FES: variants seen among roughly 807,000 people sequenced by gnomAD.
FES encodes tyrosine-protein kinase Fes/Fps.
A neutral mutation model predicts 109.6 loss-of-function variants in FES; 83 were observed. The ratio of observed to expected loss-of-function variants is 0.76; its 90% confidence interval spans 0.63 to 0.91. The LOEUF (loss-of-function observed/expected upper bound fraction) is 0.91. Among genes scored for constraint, FES ranks in the 40% least tolerant of loss-of-function variants. FES has a pLI of 0.00. For missense variants in FES, 943 were observed against 1,070.9 expected, an observed-to-expected ratio of 0.88 and a Z score of 1.67; for synonymous variants, 458 against 442.1, an observed-to-expected ratio of 1.04 and a Z score of -0.45.
Position 90,895,315 on chromosome 15 carries a change from T to C in FES, c.2327-101T>C, listed in dbSNP as rs760973850. The C allele has an allele frequency of 2.6e-5, 27 of 1,043,164 alleles. No homozygotes were observed. The Middle Eastern group carries it at 1.1e-3, about 42-fold the overall frequency. The allele number at this position is 1,043,164 out of a possible 1,614,324, so 64.6% of individuals were successfully genotyped here. ...GAGAACAGTGCATCCTTCAGAACAG[T>C]GCATCTTAAGCAGCTCCTATGGCTC... On this transcript the variant is annotated intron_variant, in intron 18 of 18. Coordinates refer to ENST00000328850, the MANE Select transcript of FES (RefSeq NM_002005.4).
intron 10 of FES, 44 bp from the exon 11 acceptor site, chr15:90,890,930 GCCTCTTCA>G (rs2033155058): frequency 1.3e-6 from 2 of 1,520,078 alleles, no homozygotes; most frequent in South Asian, 2.4e-5. Context: ...TGCCCCCACG[GCCTCTTCA>G]ACAAGGTGGT....
chr15:90,893,173 A>G lies in FES; in HGVS notation c.1900A>G (p.Ile634Val), dbSNP rs775363239. 5.6e-6 allele frequency: 9 copies of G among 1,613,862 alleles called. No individual in the cohort carries two copies. The highest frequency in any genetic ancestry group is 7.6e-6 in the Non-Finnish European group (9 of 1,179,970). Residue 634 changes from isoleucine to valine, a missense_variant, in exon 15 of 19, where the codon ATC becomes GTC. Coordinates refer to ENST00000328850, the MANE Select transcript of FES (RefSeq NM_002005.4). ...CTGCACCCAGAAGCAGCCCATCTAC[A>G]TCGTCATGGAGCTTGTGCAGGGTGA... ...GVCTQKQPIY[I>V]VMELVQGGDF...
chr15:90,892,400 A>T, intron 13 of FES: 1 of 584,012 alleles, frequency 1.7e-6, no homozygotes, highest in South Asian at 2.1e-5. Context: ...ACTGTAAGCC[A>T]TAAGATACCT....
chr15:90,890,398 C>A lies in FES; in HGVS notation c.1237-3C>A, dbSNP rs2033098435. 1 of 1,612,570 alleles carries A rather than the reference C, an allele frequency of 6.2e-7. No individual in the cohort carries two copies. The highest frequency in any genetic ancestry group is 8.5e-7 in the Non-Finnish European group (1 of 1,179,828). On this transcript the variant is annotated splice_polypyrimidine_tract_variant and splice_region_variant and intron_variant, in intron 9 of 18. Transcript: ENST00000328850. ...ACCCGCTGACGTCTGTCCCTGGCCTCAGGAGCAGGAGCGAGAGGGGGGAAG... is the reference window on the plus strand; with the variant it reads ...ACCCGCTGACGTCTGTCCCTGGCCTAAGGAGCAGGAGCGAGAGGGGGGAAG...
At position 90,885,006 on chromosome 15, in the gene FES, C is replaced by A. The variant is rs779287485; in HGVS notation, c.-9-31C>A. The A allele has an allele frequency of 5.2e-6, 8 of 1,546,678 alleles. No homozygotes were observed. The African/African-American group carries it at 9.5e-5, about 18-fold the overall frequency. On this transcript the variant is annotated intron_variant, in intron 1 of 18. Transcript: ENST00000328850. Reference sequence around the variant, plus strand: ...GCCTCCGTCTCCAGCTGCTGCCTTGCCTCCAGGGATGGCCCCTTTTCTGTC... The same window carrying A: ...GCCTCCGTCTCCAGCTGCTGCCTTGACTCCAGGGATGGCCCCTTTTCTGTC...
At chr15:90,885,664 C>A (rs759657982) in intron 3 of FES, 79 bp downstream of exon 3, 9 of 1,516,710 alleles carry the variant, frequency 5.9e-6, no homozygotes, top group Non-Finnish European at 7.9e-6. Context: ...ACAAGAGGCC[C>A]TGGATTCACT....
At chr15:90,888,470 G>A (rs969766719) in intron 5 of FES, among the ~76,000 whole-genome samples, 1 of 152,234 alleles carries the variant, frequency 6.6e-6, no homozygotes, top group Non-Finnish European at 1.5e-5. Flanking sequence ...AGGGAGCAAG[G>A]ACAGAAGCTG....
In FES at chr15:90,895,735, C is replaced by G; in HGVS notation, c.*177C>G. On this transcript the variant is annotated 3_prime_UTR_variant, in exon 19 of 19. Coordinates refer to ENST00000328850, the MANE Select transcript of FES (RefSeq NM_002005.4). Reference sequence around the variant, plus strand: ...GTGTCCCTGCTGCTGCCAGGGCTTCCTCTTCCGGGCAGAAACAATAAAACC... The same window carrying G: ...GTGTCCCTGCTGCTGCCAGGGCTTCGTCTTCCGGGCAGAAACAATAAAACC... The G allele has an allele frequency of 2.0e-6, 1 of 502,866 alleles. No homozygotes were observed. Among genetic ancestry groups the G allele is most frequent in the Non-Finnish European group, 3.4e-6 (1 of 296,116 alleles). 31.2% of individuals were successfully genotyped at this position (502,866 alleles called of 1,614,324 possible). A position where few individuals can be genotyped will look rare whatever the true frequency, so the allele number is the denominator to read the frequency against.
chr15:90,892,529 C>T, intron 13 of FES, 178 bp from the exon 14 acceptor site: 1 of 599,534 alleles, frequency 1.7e-6, no homozygotes, highest in East Asian at 2.8e-5. Flanking sequence ...GGCAACTTTC[C>T]CTGCCTGCCC....
At position 90,889,962 on chromosome 15, in the gene FES, G is replaced by C. The variant is rs772816067; in HGVS notation, c.1049G>C (p.Arg350Pro). ...GAGGAGAACACCCACCCCCGGGAGCGGTGAGTGGGCCCCTGCCTGCAGCAG... is the reference window on the plus strand; with the variant it reads ...GAGGAGAACACCCACCCCCGGGAGCCGTGAGTGGGCCCCTGCCTGCAGCAG... Reference protein sequence around the residue: ...NEEENTHPRERVQLLGKRQVL... With the variant: ...NEEENTHPREPVQLLGKRQVL... Residue 350 changes from arginine to proline, a missense_variant and splice_region_variant, in exon 8 of 19, where the codon CGG (arginine) becomes CCG (proline). Coordinates refer to ENST00000328850, the MANE Select transcript of FES (RefSeq NM_002005.4). The surrounding 1 kb of genome is among the most constrained non-coding windows in gnomAD (Gnocchi z 6.1). 6.2e-7 allele frequency: 1 copy of C among 1,612,860 alleles called. No homozygotes were observed. Among genetic ancestry groups the C allele is most frequent in the Non-Finnish European group, 8.5e-7 (1 of 1,179,870 alleles).
At chr15:90,894,793 G>A (rs568570660) in intron 18 of FES, among the ~76,000 whole-genome samples, 3 of 151,742 alleles carry the variant, frequency 2.0e-5, no homozygotes, top group Non-Finnish European at 2.9e-5. Flanking sequence ...AAACCTGGGC[G>A]CAGTGGCTCA....
chr15:90,891,315 TG>T (rs1393815863), intron 11 of FES, 124 bp downstream of exon 11: 2 of 1,260,126 alleles, frequency 1.6e-6, no homozygotes, highest in Non-Finnish European at 2.2e-6. Context: ...CTAGCAGGGC[TG>T]GCTGGAAGGG....
rs1353840817 is a variant in FES, at chr15:90,892,779, G to A, written c.1780G>A (p.Glu594Lys). Reference sequence around the variant, plus strand: ...CCTGGTGGCGGTGAAGTCTTGTCGAGAGACGCTCCCACCTGACCTCAAGGC... The same window carrying A: ...CCTGGTGGCGGTGAAGTCTTGTCGAAAGACGCTCCCACCTGACCTCAAGGC... Reference protein sequence around the residue: ...NTLVAVKSCRETLPPDLKAKF... With the variant: ...NTLVAVKSCRKTLPPDLKAKF... Residue 594 changes from glutamate (E) to lysine (K), a missense_variant, in exon 14 of 19, where the codon GAG (glutamate) becomes AAG (lysine). Glu to Lys is a moderately conservative substitution (Grantham distance 56). Coordinates refer to ENST00000328850, the MANE Select transcript of FES (RefSeq NM_002005.4). The A allele has an allele frequency of 6.2e-7, 1 of 1,613,842 alleles. No individual in the cohort carries two copies. Among genetic ancestry groups the A allele is most frequent in the Non-Finnish European group, 8.5e-7 (1 of 1,179,962 alleles).
intron 1 of FES, 98 bp downstream of exon 1, chr15:90,884,642 G>C (rs35346340): frequency 0.29 from 48,199 of 167,764 alleles, 7,301 homozygotes; most frequent in Non-Finnish European, 0.33. Context: ...CCACCCAGGT[G>C]GGGGTAGGGG....
chr15:90,894,747 CAGA>C lies in FES; in HGVS notation c.2327-668_2327-666del, dbSNP rs1222278735. 2.0e-5 allele frequency among the ~76,000 whole-genome samples: 3 copies of C among 150,944 alleles called. No individual in the cohort carries two copies. The East Asian group carries it at 5.9e-4, about 29-fold the overall frequency. On this transcript the variant is annotated intron_variant, in intron 18 of 18. Transcript: ENST00000328850. ...TGCCACTGCACCCCAACCTGGGTGA[CAGA>C]GAGAGAGAGAGACCTTGACTCGAAA...
At chr15:90,888,621 C>T (rs186344081) in intron 5 of FES, among the ~76,000 whole-genome samples, 134 of 151,952 alleles carry the variant, frequency 8.8e-4, no homozygotes, top group African/African-American at 3.0e-3. Context: ...GGAAGTGGGG[C>T]GTGAAATAGA....
At chr15:90,886,612 C>T (rs2032655793) in intron 3 of FES, among the ~76,000 whole-genome samples, 1 of 152,164 alleles carries the variant, frequency 6.6e-6, no homozygotes, top group Non-Finnish European at 1.5e-5. Context: ...TAGGAATTTC[C>T]AGGTGGCAAT....
rs534676375 is a variant in FES, at chr15:90,888,268, G to A, written c.668+898G>A. On this transcript the variant is annotated intron_variant, in intron 5 of 18. Coordinates refer to ENST00000328850, the MANE Select transcript of FES (RefSeq NM_002005.4). The stretch of plus-strand genomic sequence containing the variant: ...CTACGGGCATGCGCCACCACACCCA[G>A]CTAATTTTTGTATTTTTAGTAGAGA... Among the ~76,000 whole-genome samples, 21 of 152,264 alleles carry A rather than the reference G, an allele frequency of 1.4e-4. No individual in the cohort carries two copies. The South Asian group carries it at 4.1e-3, about 30-fold the overall frequency.
Position 90,885,413 on chromosome 15 carries a change from C to T in FES, c.215C>T (p.Ser72Phe), listed in dbSNP as rs2032492604. Residue 72 changes from serine (S) to phenylalanine (F), a missense_variant and splice_region_variant, in exon 3 of 19, where the codon TCC (serine) becomes TTC (phenylalanine). Coordinates refer to ENST00000328850, the MANE Select transcript of FES (RefSeq NM_002005.4). ...AISPDSPISQ[S>F]WAEITSQTEG... ...GCCTCCCCCATCTGTGCTGTATAGT[C>T]CTGGGCTGAGATCACCAGCCAAACT... 6.2e-7 allele frequency: 1 copy of T among 1,611,932 alleles called. No individual in the cohort carries two copies. The highest frequency in any genetic ancestry group is 8.5e-7 in the Non-Finnish European group (1 of 1,179,478).
Sources: gnomAD v4.1 joint callset for allele counts (sites outside exome capture counted in the v4.1 genomes callset) on GRCh38, gnomAD v4.1.1 for gene constraint, Gnocchi (gnomAD v3.1) non-coding constraint, MANE v1.5 for transcripts, NCBI Gene and HGNC (gene_info 2026-07-23, HGNC 2026-07-21) for gene names.